Variants in KCNAB1 observed in about 807,000 individuals in gnomAD.
KCNAB1 encodes voltage-gated potassium channel subunit beta-1.
In KCNAB1, 35 loss-of-function variants were observed where a neutral mutation model predicts 64.6. That is an observed-to-expected ratio of 0.54 (90% CI 0.41 to 0.72). The LOEUF is 0.72. Among genes scored for constraint, KCNAB1 ranks in the 30% least tolerant of loss-of-function variants. KCNAB1 has a pLI of 0.00. For synonymous variants in KCNAB1, 177 were observed against 183.8 expected (o/e 0.96, Z 0.30); for missense variants, 401 against 512.9 (o/e 0.78, Z 2.11).
chr3:156,161,117 C>T (rs1716049465), intron 1 of KCNAB1, among the ~76,000 whole-genome samples: 2 of 152,206 alleles, frequency 1.3e-5, no homozygotes, highest in African/African-American at 4.8e-5. Flanking sequence ...ATTATCTCTT[C>T]ACTACAATTT....
chr3:156,203,659 T>A (rs555671090), intron 1 of KCNAB1, among the ~76,000 whole-genome samples: 1 of 152,246 alleles, frequency 6.6e-6, no homozygotes, highest in Non-Finnish European at 1.5e-5. Flanking sequence ...GAGAGTTTTT[T>A]GATACTGCCG....
intron 2 of KCNAB1, among the ~76,000 whole-genome samples, chr3:156,450,684 G>A (rs1269985706): frequency 2.0e-5 from 3 of 152,130 alleles, no homozygotes; most frequent in African/African-American, 7.2e-5. Context: ...GTATTTCACA[G>A]CAACTCACTT....
At chr3:156,347,046 A>G (rs376483084) in intron 1 of KCNAB1, among the ~76,000 whole-genome samples, 3 of 152,348 alleles carry the variant, frequency 2.0e-5, no homozygotes, top group African/African-American at 7.2e-5. Context: ...GGTCTGTGGC[A>G]TAAATATGTG....
intron 1 of KCNAB1, among the ~76,000 whole-genome samples, chr3:156,299,084 A>C (rs1576693665): frequency 1.3e-5 from 2 of 152,350 alleles, no homozygotes; most frequent in East Asian, 3.9e-4. Context: ...GGTCAGAGTT[A>C]CCCATGAAGT....
intron 1 of KCNAB1, among the ~76,000 whole-genome samples, chr3:156,338,303 C>CTATTTTTTTTTTTTTT (rs1723859893): frequency 2.5e-5 from 1 of 39,498 alleles, no homozygotes; most frequent in Admixed American, 4.2e-4. Flanking sequence ...GGCATTTGCA[C>CTATTTTTTTTTTTTTT]TTTTTTTTTT....
At chr3:156,466,962 A>G (rs1713449600) in intron 7 of KCNAB1, among the ~76,000 whole-genome samples, 1 of 152,096 alleles carries the variant, frequency 6.6e-6, no homozygotes, top group Non-Finnish European at 1.5e-5. Flanking sequence ...TTATGATGGG[A>G]TTACATCTCA....
At chr3:156,147,447 A>G (rs1208362721) in intron 1 of KCNAB1, among the ~76,000 whole-genome samples, 5 of 152,194 alleles carry the variant, frequency 3.3e-5, no homozygotes, top group Non-Finnish European at 5.9e-5. Context: ...TAGGTGCATA[A>G]TGGAAAAAAG....
chr3:156,243,876 C>G (rs1717307645), intron 1 of KCNAB1, among the ~76,000 whole-genome samples: 1 of 152,146 alleles, frequency 6.6e-6, no homozygotes, highest in Non-Finnish European at 1.5e-5. Context: ...GCTGTAGCCT[C>G]CCCTCCCAAC....
chr3:156,361,912 A>C (rs1021483416), intron 1 of KCNAB1, among the ~76,000 whole-genome samples: 36 of 152,214 alleles, frequency 2.4e-4, no homozygotes, highest in African/African-American at 8.2e-4. Context: ...CTCTCACCTC[A>C]GCCTCCCAAA....
chr3:156,465,096 T>C (rs369759735), intron 6 of KCNAB1, among the ~76,000 whole-genome samples: 1 of 152,136 alleles, frequency 6.6e-6, no homozygotes, highest in African/African-American at 2.4e-5. Flanking sequence ...AGCTTGAGAA[T>C]TGGGAAGGCA....
intron 1 of KCNAB1, among the ~76,000 whole-genome samples, chr3:156,150,679 A>G (rs964631907): frequency 6.6e-6 from 1 of 152,192 alleles, no homozygotes; most frequent in Admixed American, 6.5e-5. Flanking sequence ...GTGCTATTTC[A>G]TAAAGAAAAG....
chr3:156,327,960 C>T (rs1723083414), intron 1 of KCNAB1, among the ~76,000 whole-genome samples: 1 of 152,028 alleles, frequency 6.6e-6, no homozygotes, highest in African/African-American at 2.4e-5. Context: ...CCTGTGACTT[C>T]CATCTGGGAT....
chr3:156,342,586 TTTTTTTTTTTTTTTTTTTTTTAA>T lies in KCNAB1; in HGVS notation c.276-79015_276-78993del, dbSNP rs1560206456. 9.1e-5 allele frequency among the ~76,000 whole-genome samples: 6 copies of T among 66,066 alleles called. No homozygotes were observed. In the South Asian group the frequency reaches 3.1e-3, roughly 34 times the overall value. The allele number at this position is 66,066 out of a possible 152,430, so 43.3% of individuals were successfully genotyped here. A position where few individuals can be genotyped will look rare whatever the true frequency, so the allele number is the denominator to read the frequency against. ...TTTTTGAAAGCTCCCTATGTGTTTC[TTTTTTTTTTTTTTTTTTTTTTAA>T]TTTTTTTTTTTTTTATTATACTCTA... On this transcript the variant is annotated intron_variant, in intron 1 of 13. Coordinates refer to ENST00000490337, the MANE Select transcript of KCNAB1 (RefSeq NM_172160.3).
At chr3:156,526,200 T>C (rs1559931099) in intron 12 of KCNAB1, among the ~76,000 whole-genome samples, 1 of 152,310 alleles carries the variant, frequency 6.6e-6, no homozygotes, top group Non-Finnish European at 1.5e-5. Context: ...CTATCCCATA[T>C]AGCCTAGATG....
intron 2 of KCNAB1, among the ~76,000 whole-genome samples, chr3:156,434,152 G>A (rs186568214): frequency 6.6e-6 from 1 of 152,304 alleles, no homozygotes; most frequent in Admixed American, 6.5e-5. Flanking sequence ...CTGAAGCCAT[G>A]TCACAAAGCT....
intron 1 of KCNAB1, among the ~76,000 whole-genome samples, chr3:156,409,816 A>G (rs77056279): frequency 6.6e-6 from 1 of 152,354 alleles, no homozygotes; most frequent in East Asian, 1.9e-4. Context: ...AGAATAATAA[A>G]AAGATCAAAG....
At chr3:156,292,786 G>T (rs186259351) in intron 1 of KCNAB1, among the ~76,000 whole-genome samples, 1 of 152,148 alleles carries the variant, frequency 6.6e-6, no homozygotes, top group Non-Finnish European at 1.5e-5. Context: ...CAAGTGATCC[G>T]CCGGCCTTGG....
At chr3:156,330,546 T>G (rs1723265482) in intron 1 of KCNAB1, among the ~76,000 whole-genome samples, 1 of 152,144 alleles carries the variant, frequency 6.6e-6, no homozygotes, top group Non-Finnish European at 1.5e-5. Flanking sequence ...TCTTCTGACG[T>G]TTTCACCTTG....
intron 8 of KCNAB1, among the ~76,000 whole-genome samples, chr3:156,497,068 G>T (rs1448653403): frequency 6.6e-6 from 1 of 152,038 alleles, no homozygotes; most frequent in Non-Finnish European, 1.5e-5. Context: ...ACTCCTCCTT[G>T]CTGGGTAATT....
Sources: gnomAD v4.1 joint callset for allele counts (sites outside exome capture counted in the v4.1 genomes callset) on GRCh38, gnomAD v4.1.1 for gene constraint, MANE v1.5 for transcripts, NCBI Gene and HGNC (gene_info 2026-07-23, HGNC 2026-07-21) for gene names.